HS3ST4: variants seen among roughly 807,000 people sequenced by gnomAD.
The protein encoded by HS3ST4 is heparan sulfate glucosamine 3-O-sulfotransferase 4.
HS3ST4 carries 17 observed loss-of-function variants against 29.2 expected under a neutral mutation model. That is an observed-to-expected ratio of 0.58 (90% CI 0.40 to 0.87). The LOEUF (loss-of-function observed/expected upper bound fraction) is 0.87. Among genes scored for constraint, HS3ST4 ranks in the 40% least tolerant of loss-of-function variants. The probability of loss-of-function intolerance (pLI) is 0.00; values close to 1 mark genes in which losing one functional copy is unlikely to be tolerated. For synonymous variants in HS3ST4, 314 were observed against 285.7 expected (o/e 1.10, Z -1.00); for missense variants, 627 against 634.5 (o/e 0.99, Z 0.13).
chr16:26,056,070 GAGAGAGAGA>G (rs67128547), intron 1 of HS3ST4, among the ~76,000 whole-genome samples: 1 of 135,126 alleles, frequency 7.4e-6, no homozygotes, highest in South Asian at 2.3e-4. Context: ...GAGAGAGAGA[GAGAGAGAGA>G]AGAATGCATT....
intron 1 of HS3ST4, among the ~76,000 whole-genome samples, chr16:25,888,711 A>C (rs989751337): frequency 2.0e-5 from 3 of 152,226 alleles, no homozygotes; most frequent in African/African-American, 7.2e-5. Flanking sequence ...AGTCCCTAAG[A>C]TAAAGTGGGT....
intron 1 of HS3ST4, among the ~76,000 whole-genome samples, chr16:25,924,043 G>C (rs1273965529): frequency 6.6e-6 from 1 of 152,080 alleles, no homozygotes; most frequent in Non-Finnish European, 1.5e-5. Flanking sequence ...TCTTCACTTG[G>C]CTATTTTAAA....
intron 1 of HS3ST4, among the ~76,000 whole-genome samples, chr16:25,969,702 T>C (rs1968878074): frequency 6.6e-6 from 1 of 152,230 alleles, no homozygotes; most frequent in Non-Finnish European, 1.5e-5. Context: ...TGTAGGAGGC[T>C]GGCATACTGC....
At chr16:25,752,885 TTTAA>T (rs1268372921) in intron 1 of HS3ST4, among the ~76,000 whole-genome samples, 2 of 152,236 alleles carry the variant, frequency 1.3e-5, no homozygotes, top group African/African-American at 4.8e-5. Context: ...TCATAAACTG[TTTAA>T]TTGTTTGCTT....
chr16:25,865,901 A>C (rs986979302), intron 1 of HS3ST4, among the ~76,000 whole-genome samples: 2 of 152,232 alleles, frequency 1.3e-5, no homozygotes, highest in African/African-American at 4.8e-5. Flanking sequence ...GTTTCTCAAC[A>C]TTTCTATGGG....
At chr16:25,705,399 C>A (rs1296608446) in intron 1 of HS3ST4, among the ~76,000 whole-genome samples, 1 of 152,152 alleles carries the variant, frequency 6.6e-6, no homozygotes, top group Non-Finnish European at 1.5e-5. Context: ...GCTGCGGTGG[C>A]TCACGCCTGT....
At chr16:25,877,633 C>A (rs115358795) in intron 1 of HS3ST4, among the ~76,000 whole-genome samples, 2,283 of 152,242 alleles carry the variant, frequency 0.015, 70 homozygotes, top group African/African-American at 0.052. Flanking sequence ...TTACCTAGAA[C>A]CTTTGGAGGA....
Position 25,710,808 on chromosome 16 carries a change from C to CTTTTT in HS3ST4, c.734+17678_734+17682dup, listed in dbSNP as rs34759495. ...AGCAGTTGTGCTTTTGCATATTATC[C>CTTTTT]TTTTTTTTTTTTTTTTTTTTTTTTT... On this transcript the variant is annotated intron_variant, in intron 1 of 1. Transcript: ENST00000331351. 1.2e-3 allele frequency among the ~76,000 whole-genome samples: 56 copies of CTTTTT among 48,536 alleles called. 3 individuals carry two copies. Among genetic ancestry groups the CTTTTT allele is most frequent in the Admixed American group, 1.6e-3 (4 of 2,482 alleles). 31.8% of individuals were successfully genotyped at this position (48,536 alleles called of 152,430 possible). A position where few individuals can be genotyped will look rare whatever the true frequency, so the allele number is the denominator to read the frequency against.
intron 1 of HS3ST4, among the ~76,000 whole-genome samples, chr16:25,740,457 A>C (rs28739552): frequency 0.048 from 7,274 of 152,190 alleles, 518 homozygotes; most frequent in African/African-American, 0.16. Context: ...CTGAGCCCCA[A>C]AGATCCTAGT....
intron 1 of HS3ST4, among the ~76,000 whole-genome samples, chr16:26,014,614 T>C (rs1164109753): frequency 1.3e-5 from 2 of 152,200 alleles, no homozygotes; most frequent in Admixed American, 6.5e-5. Flanking sequence ...CTGCTCCTAC[T>C]TTAGTTCACC....
Position 25,890,842 on chromosome 16 carries a change from T to C in HS3ST4, c.734+197691T>C, listed in dbSNP as rs556215365. 4.3e-4 allele frequency among the ~76,000 whole-genome samples: 65 copies of C among 152,280 alleles called. 1 individual carries two copies. Among genetic ancestry groups the C allele is most frequent in the African/African-American group, 1.6e-3 (65 of 41,544 alleles). On this transcript the variant is annotated intron_variant, in intron 1 of 1. Transcript: ENST00000331351. Reference sequence around the variant, plus strand: ...ATTCAAGAGATGTCAGTTACTACTATTTTGTTTTATTTTGCTTGGTTTCCA... The same window carrying C: ...ATTCAAGAGATGTCAGTTACTACTACTTTGTTTTATTTTGCTTGGTTTCCA...
intron 1 of HS3ST4, among the ~76,000 whole-genome samples, chr16:26,018,403 C>G (rs1969381084): frequency 6.6e-6 from 1 of 152,170 alleles, no homozygotes; most frequent in African/African-American, 2.4e-5. Context: ...AGAGGACTTT[C>G]ATTTATTCTT....
intron 1 of HS3ST4, among the ~76,000 whole-genome samples, chr16:25,816,745 G>T (rs1029565469): frequency 6.6e-6 from 1 of 152,106 alleles, no homozygotes; most frequent in African/African-American, 2.4e-5. Context: ...AGGCTTACAG[G>T]CTACGAAGTC....
At chr16:25,994,091 C>A (rs1455833147) in intron 1 of HS3ST4, among the ~76,000 whole-genome samples, 4 of 151,480 alleles carry the variant, frequency 2.6e-5, no homozygotes, top group East Asian at 1.9e-4. Flanking sequence ...TCCCTCATGA[C>A]CTTATCTAAA....
chr16:26,086,246 T>G (rs1898785210), intron 1 of HS3ST4, among the ~76,000 whole-genome samples: 1 of 152,256 alleles, frequency 6.6e-6, no homozygotes, highest in Non-Finnish European at 1.5e-5. Flanking sequence ...AATATAAATA[T>G]GAGAATATGT....
At chr16:25,860,977 A>T (rs1967630882) in intron 1 of HS3ST4, among the ~76,000 whole-genome samples, 1 of 152,080 alleles carries the variant, frequency 6.6e-6, no homozygotes, top group African/African-American at 2.4e-5. Flanking sequence ...GACGGGGAGG[A>T]TATGGGAAAT....
At chr16:25,892,138 C>T (rs1422102337) in intron 1 of HS3ST4, among the ~76,000 whole-genome samples, 1 of 152,112 alleles carries the variant, frequency 6.6e-6, no homozygotes, top group Non-Finnish European at 1.5e-5. Flanking sequence ...GAACAAAGTT[C>T]AGGCCAACCT....
chr16:25,865,936 C>T (rs951630629), intron 1 of HS3ST4, among the ~76,000 whole-genome samples: 40 of 152,034 alleles, frequency 2.6e-4, no homozygotes, highest in African/African-American at 6.0e-4. Context: ...AATATAACCC[C>T]AAAAGCATAA....
intron 1 of HS3ST4, among the ~76,000 whole-genome samples, chr16:25,771,525 C>T (rs1966842033): frequency 6.6e-6 from 1 of 152,030 alleles, no homozygotes; most frequent in Non-Finnish European, 1.5e-5. Context: ...TGGCAAACCA[C>T]ACTTCAAGAC....
Sources: allele counts gnomAD v4.1 joint callset (sites outside exome capture counted in the v4.1 genomes callset), GRCh38; gene constraint gnomAD v4.1.1; transcripts MANE v1.5; gene names NCBI Gene and HGNC (gene_info 2026-07-23, HGNC 2026-07-21).